MACROD2: variants seen among roughly 807,000 people sequenced by gnomAD.
The protein encoded by MACROD2 is ADP-ribose glycohydrolase MACROD2.
Under a neutral mutation model 70.4 loss-of-function variants are expected in MACROD2, and 36 were observed. That is an observed-to-expected ratio of 0.51 (90% CI 0.39 to 0.68). MACROD2 has a LOEUF of 0.68. Among genes scored for constraint, MACROD2 ranks in the 30% least tolerant of loss-of-function variants. The probability of loss-of-function intolerance (pLI) is 0.00; values close to 1 mark genes in which losing one functional copy is unlikely to be tolerated. For missense variants in MACROD2, 496 were observed against 538.4 expected (o/e 0.92, Z 0.78); for synonymous variants, 172 against 178.8 (o/e 0.96, Z 0.30).
At position 14,859,110 on chromosome 20, in the gene MACROD2, A is replaced by G. The variant is rs181666129; in HGVS notation, c.418+174151A>G. On this transcript the variant is annotated intron_variant, in intron 5 of 17. Transcript: ENST00000684519. The stretch of plus-strand genomic sequence containing the variant: ...GGAGGGGGGTGAGCGGTAAAAGACT[A>G]CATATTAGGTGTAGTATATCCTGCT... Among the ~76,000 whole-genome samples the G allele has an allele frequency of 1.0e-3, 159 of 152,122 alleles. 1 individual carries two copies. Among genetic ancestry groups the G allele is most frequent in the Non-Finnish European group, 1.7e-3 (117 of 68,008 alleles).
chr20:14,632,341 A>G (rs761133798), intron 4 of MACROD2, among the ~76,000 whole-genome samples: 1 of 152,238 alleles, frequency 6.6e-6, no homozygotes, highest in Non-Finnish European at 1.5e-5. Context: ...TTACAATATG[A>G]AAACCTGTTT....
intron 5 of MACROD2, among the ~76,000 whole-genome samples, chr20:14,702,628 TATATATATGTATATATATATAC>T (rs2071216394): frequency 8.1e-6 from 1 of 123,842 alleles, no homozygotes; most frequent in Non-Finnish European, 1.6e-5. Flanking sequence ...TATATATACA[TATATATATGTATATATATATAC>T]ACATATATAT....
chr20:15,824,932 A>G (rs1025321103), intron 8 of MACROD2, among the ~76,000 whole-genome samples: 1 of 152,198 alleles, frequency 6.6e-6, no homozygotes, highest in East Asian at 1.9e-4. Flanking sequence ...ATGCCAAATA[A>G]GTATAAAAAG....
chr20:15,946,217 T>A (rs560369799), intron 12 of MACROD2, among the ~76,000 whole-genome samples: 1 of 152,294 alleles, frequency 6.6e-6, no homozygotes, highest in Admixed American at 6.5e-5. Flanking sequence ...ATGCCACTGG[T>A]CTAAAGCATT....
intron 6 of MACROD2, among the ~76,000 whole-genome samples, chr20:15,411,223 G>T (rs961405244): frequency 1.3e-5 from 2 of 151,412 alleles, no homozygotes; most frequent in Admixed American, 6.6e-5. Context: ...TACCAACACA[G>T]AAATTCTTTA....
intron 8 of MACROD2, among the ~76,000 whole-genome samples, chr20:15,556,581 G>T (rs2048172169): frequency 6.6e-6 from 1 of 152,168 alleles, no homozygotes; most frequent in African/African-American, 2.4e-5. Flanking sequence ...AGACCCATTT[G>T]AATTTTAGCT....
chr20:15,070,972 CA>C (rs1246286170), intron 5 of MACROD2, among the ~76,000 whole-genome samples: 4 of 150,682 alleles, frequency 2.7e-5, no homozygotes, highest in African/African-American at 9.7e-5. Flanking sequence ...TAGTGATCAG[CA>C]AGCAACCAAC....
intron 8 of MACROD2, among the ~76,000 whole-genome samples, chr20:15,656,906 G>A (rs1373795318): frequency 6.6e-6 from 1 of 151,936 alleles, no homozygotes; most frequent in African/African-American, 2.4e-5. Flanking sequence ...AAAAAAGAAG[G>A]AATAATTTAT....
At chr20:14,397,950 TTTG>T (rs34963387) in intron 3 of MACROD2, among the ~76,000 whole-genome samples, 1 of 152,110 alleles carries the variant, frequency 6.6e-6, no homozygotes, top group South Asian at 2.1e-4. Context: ...TGTGAGCTTT[TTTG>T]TTGTTGTTTC....
chr20:16,012,691 T>C (rs1024617856), intron 15 of MACROD2, among the ~76,000 whole-genome samples: 1 of 152,242 alleles, frequency 6.6e-6, no homozygotes, highest in South Asian at 2.1e-4. Context: ...AAATGCTTAG[T>C]TTTAACATTT....
intron 12 of MACROD2, among the ~76,000 whole-genome samples, chr20:15,950,174 G>C (rs1436407480): frequency 6.6e-6 from 1 of 152,106 alleles, no homozygotes; most frequent in Non-Finnish European, 1.5e-5. Context: ...ATTTAGACTA[G>C]CTCAGTGGTT....
At chr20:15,215,905 G>A (rs2076806224) in intron 5 of MACROD2, among the ~76,000 whole-genome samples, 1 of 152,036 alleles carries the variant, frequency 6.6e-6, no homozygotes, top group African/African-American at 2.4e-5. Context: ...ACTCTATAAT[G>A]TACAGCAGAT....
At chr20:14,077,155 A>ACAT (rs2053925483) in intron 2 of MACROD2, among the ~76,000 whole-genome samples, 1 of 7,144 alleles carries the variant, frequency 1.4e-4, no homozygotes, top group Non-Finnish European at 3.4e-4. Context: ...TTGCAACCTT[A>ACAT]GACTTACATT....
intron 5 of MACROD2, among the ~76,000 whole-genome samples, chr20:15,085,883 C>CACAG (rs1415524917): frequency 1.3e-5 from 2 of 150,028 alleles, no homozygotes; most frequent in Non-Finnish European, 3.0e-5. Context: ...AACACACACA[C>CACAG]ACACACACAC....
chr20:15,335,048 T>C (rs1278444372), intron 6 of MACROD2, among the ~76,000 whole-genome samples: 1 of 151,736 alleles, frequency 6.6e-6, no homozygotes, highest in Non-Finnish European at 1.5e-5. Context: ...TGGGAAAGGC[T>C]TCAGCAGTCA....
chr20:15,332,187 A>C (rs1015949854), intron 6 of MACROD2, among the ~76,000 whole-genome samples: 6 of 151,580 alleles, frequency 4.0e-5, no homozygotes, highest in African/African-American at 1.5e-4. Flanking sequence ...AAGAATATTT[A>C]AATATTCTTT....
At chr20:15,594,625 ACTCTTAT>A (rs1370996665) in intron 8 of MACROD2, among the ~76,000 whole-genome samples, 1 of 151,976 alleles carries the variant, frequency 6.6e-6, no homozygotes, top group Non-Finnish European at 1.5e-5. Context: ...GAGACTAATG[ACTCTTAT>A]CTCTCTGTTG....
intron 8 of MACROD2, among the ~76,000 whole-genome samples, chr20:15,819,422 T>C (rs1009626340): frequency 1.1e-4 from 15 of 142,420 alleles, no homozygotes; most frequent in Non-Finnish European, 1.7e-4. Context: ...TTTATATAAA[T>C]ATAAATAAGT....
intron 13 of MACROD2, among the ~76,000 whole-genome samples, chr20:15,973,806 G>A (rs1351094894): frequency 2.0e-5 from 3 of 152,126 alleles, no homozygotes; most frequent in Admixed American, 6.6e-5. Context: ...CAATCTATTC[G>A]GTTAGAAGTC....
Sources: gnomAD v4.1 joint callset for allele counts (sites outside exome capture counted in the v4.1 genomes callset) on GRCh38, gnomAD v4.1.1 for gene constraint, MANE v1.5 for transcripts, NCBI Gene and HGNC (gene_info 2026-07-23, HGNC 2026-07-21) for gene names.